Variants in NBEAL2 observed in about 807,000 individuals in gnomAD.
NBEAL2 encodes the protein neurobeachin like 2.
Under a neutral mutation model 299.8 loss-of-function variants are expected in NBEAL2, and 160 were observed. The ratio of observed to expected loss-of-function variants is 0.53; its 90% CI spans 0.47 to 0.61. The LOEUF (loss-of-function observed/expected upper bound fraction) is 0.61, where lower values mean the gene tolerates loss of function less well. Among genes scored for constraint, NBEAL2 ranks in the 20% least tolerant of loss-of-function variants. NBEAL2 has a pLI of 0.00. For missense variants in NBEAL2, 3,112 were observed against 3,649.0 expected (o/e 0.85, Z 3.79); for synonymous variants, 1,493 against 1,542.3 (o/e 0.97, Z 0.75).
In NBEAL2 at chr3:47,003,832, C is replaced by G; in HGVS notation, c.5737C>G (p.Leu1913Val). 1.2e-6 allele frequency: 2 copies of G among 1,607,582 alleles called. No homozygotes were observed. The highest frequency in any genetic ancestry group is 1.7e-6 in the Non-Finnish European group (2 of 1,176,652). Residue 1913 changes from leucine to valine, a missense_variant, in exon 36 of 54, where the codon CTG becomes GTG. By Grantham distance (32) the Leu-to-Val change is conservative. Coordinates refer to ENST00000450053, the MANE Select transcript of NBEAL2 (RefSeq NM_015175.3). This position sits in a 1 kb window ranked among gnomAD's most constrained non-coding sequence, Gnocchi z 7.0. ...ELETPMEAAELDEQREKLVLS... is the reference protein window; with the variant it reads ...ELETPMEAAEVDEQREKLVLS... ...GGTCTTTAGGATGGAGGCAGCAGAA[C>G]TGGATGAGCAGCGTGAGAAGCTGGT...
intron 45 of NBEAL2, 67 bp downstream of exon 45, chr3:47,006,516 A>G (rs2037457045): frequency 7.2e-7 from 1 of 1,397,588 alleles, no homozygotes; most frequent in South Asian, 1.2e-5. Context: ...GTCCTTACCA[A>G]CCACGTGGGG....
In NBEAL2 at chr3:47,009,576, T is replaced by C. The variant is rs1341920723; in HGVS notation, c.*256T>C. ...GGCCGCAGCAGCACTTTTTGCACAG[T>C]CTGGGGCGGGGTTCCCCGGCTTCCA... On this transcript the variant is annotated 3_prime_UTR_variant, in exon 54 of 54. Coordinates refer to ENST00000450053, the MANE Select transcript of NBEAL2 (RefSeq NM_015175.3). 6 of 494,982 alleles carry C rather than the reference T, an allele frequency of 1.2e-5. No individual in the cohort carries two copies. In the East Asian group the frequency reaches 1.7e-4, roughly 14 times the overall value. The allele number at this position is 494,982 out of a possible 1,614,324, so 30.7% of individuals were successfully genotyped here.
Position 47,005,036 on chromosome 3 carries a change from G to A in NBEAL2, c.6359G>A (p.Arg2120Gln), listed in dbSNP as rs762258197. The A allele has an allele frequency of 3.1e-6, 5 of 1,613,228 alleles. No homozygotes were observed. Among genetic ancestry groups the A allele is most frequent in the Non-Finnish European group, 3.4e-6 (4 of 1,179,624 alleles). ...TLDLSNPAVFRDLSKPIGVVN... is the reference protein window; with the variant it reads ...TLDLSNPAVFQDLSKPIGVVN... ...GACCTCAGCAACCCAGCCGTCTTCC[G>A]GGACCTGTCTAAGCCCATCGGTGTG... The change falls in exon 39 of 54, where the codon CGG (arginine) becomes CAG (glutamine). Residue 2120 changes from arginine (R) to glutamine (Q), a missense_variant. Coordinates refer to ENST00000450053, the MANE Select transcript of NBEAL2 (RefSeq NM_015175.3).
At position 46,987,653 on chromosome 3, in the gene NBEAL2, C is replaced by T. The variant is rs140350783; in HGVS notation, c.52-1016C>T. 4.0e-3 allele frequency among the ~76,000 whole-genome samples: 613 copies of T among 152,296 alleles called. 4 individuals are homozygous for T. The highest frequency in any genetic ancestry group is 0.014 in the African/African-American group (582 of 41,566). On this transcript the variant is annotated intron_variant, in intron 1 of 53. Transcript: ENST00000450053. ...TCGACCCCTGTGGCCTGAGGCCTTG[C>T]GCGCAGGTCAGGGAGCTGTGGGTGC...
rs2036683507 is a variant in NBEAL2 at position 46,998,515 on chromosome 3, G to T, written c.3171G>T (p.Arg1057=). Residue 1057 remains arginine (R), a synonymous_variant, in exon 22 of 54, where the codon CGG becomes CGT. Coordinates refer to ENST00000450053, the MANE Select transcript of NBEAL2 (RefSeq NM_015175.3). ...TTCGGGAGCACAGACAGAAGCTGCG[G>T]AAGAAGTACGGCGTCCAGTTTATCT... is the stretch of plus-strand genomic sequence containing the variant. ...SIVREHRQKL[R]KKYGVQFILD... is the part of the protein sequence containing the mutation. The T allele has an allele frequency of 1.1e-5, 18 of 1,613,288 alleles. No individual in the cohort carries two copies. Among genetic ancestry groups the T allele is most frequent in the Non-Finnish European group, 1.3e-5 (15 of 1,179,758 alleles).
At chr3:46,997,481 TA>T (rs779098605) in intron 19 of NBEAL2, 48 bp downstream of exon 19, 8 of 1,594,428 alleles carry the variant, frequency 5.0e-6, no homozygotes, top group Non-Finnish European at 6.9e-6. Context: ...CTTGGCATGG[TA>T]GGGGGGTGGA....
chr3:47,006,065 T>G lies in NBEAL2; in HGVS notation c.6919+2T>G. ...TCTTCTATTACTGCACCTATGAGGG[T>G]GGGCAGTGCGCTGGACTCCAGTCAG... is the stretch of plus-strand genomic sequence containing the variant. On this transcript the variant is annotated splice_donor_variant, in intron 43 of 53. Coordinates refer to ENST00000450053, the MANE Select transcript of NBEAL2 (RefSeq NM_015175.3). LOFTEE classifies it high-confidence loss of function. 1 of 1,613,334 alleles carries G rather than the reference T, an allele frequency of 6.2e-7. No individual in the cohort carries two copies. The highest frequency in any genetic ancestry group is 8.5e-7 in the Non-Finnish European group (1 of 1,179,578).
rs1333970028 is a variant in NBEAL2, at chr3:47,009,436, C to T, written c.*116C>T. 2 of 906,676 alleles carry T rather than the reference C, an allele frequency of 2.2e-6. No individual in the cohort carries two copies. The highest frequency in any genetic ancestry group is 1.7e-6 in the Non-Finnish European group (1 of 592,238). 56.2% of individuals were successfully genotyped at this position (906,676 alleles called of 1,614,324 possible). Reference sequence around the variant, plus strand: ...GCAGCCCAGGGGGGTGAGCGGGGCCCACCCTGCCCAGCTCAGGGATTGGCG... The same window carrying T: ...GCAGCCCAGGGGGGTGAGCGGGGCCTACCCTGCCCAGCTCAGGGATTGGCG... On this transcript the variant is annotated 3_prime_UTR_variant, in exon 54 of 54. Coordinates refer to ENST00000450053, the MANE Select transcript of NBEAL2 (RefSeq NM_015175.3).
Position 47,000,534 on chromosome 3 carries a change from T to C in NBEAL2, c.4305+130T>C. The C allele has an allele frequency of 1.7e-6, 2 of 1,181,760 alleles. No individual in the cohort carries two copies. Among genetic ancestry groups the C allele is most frequent in the Admixed American group, 2.7e-5 (1 of 37,656 alleles). The allele number at this position is 1,181,760 out of a possible 1,614,324, so 73.2% of individuals were successfully genotyped here. A position where few individuals can be genotyped will look rare whatever the true frequency, so the allele number is the denominator to read the frequency against. ...CAGGGTTGCAGCCACTGGTCAGGCC[T>C]ATTGCTGTCCCCTCATAGCTCTCAT... On this transcript the variant is annotated intron_variant, in intron 27 of 53. Transcript: ENST00000450053. This position sits in a 1 kb window ranked among gnomAD's most constrained non-coding sequence, Gnocchi z 4.5.
rs2107418235 is a variant in NBEAL2 at position 47,003,132 on chromosome 3, T to C, written c.5585-42T>C. 3 of 1,608,906 alleles carry C rather than the reference T, an allele frequency of 1.9e-6. No individual in the cohort carries two copies. The highest frequency in any genetic ancestry group is 1.7e-4 in the Middle Eastern group (1 of 6,042). The stretch of plus-strand genomic sequence containing the variant: ...CACCCAACTCGATTGTCCCGTCTCC[T>C]GTCCTGCCTTGCTTCTGCTGAGTAC... On this transcript the variant is annotated intron_variant, in intron 34 of 53. Transcript: ENST00000450053. This position sits in a 1 kb window ranked among gnomAD's most constrained non-coding sequence, Gnocchi z 7.0.
In NBEAL2 at chr3:47,002,677, G is replaced by A. The variant is rs769455760; in HGVS notation, c.5334G>A (p.Ala1778=). ...TGCTGGAACCTGCGCAGAGGCGGGC[G>A]CGCCTGGAGGGGCTACGCTACACGG... ...ELVLEPAQRR[A]RLEGLRYTAV... Residue 1778 remains alanine (A), a synonymous_variant, in exon 33 of 54, where the codon GCG becomes GCA. Transcript: ENST00000450053. 57 of 1,607,060 alleles carry A rather than the reference G, an allele frequency of 3.5e-5. No homozygotes were observed. The highest frequency in any genetic ancestry group is 5.1e-5 in the Admixed American group (3 of 59,240).
At position 46,995,304 on chromosome 3, in the gene NBEAL2, G is replaced by A. The variant is rs1165612471; in HGVS notation, c.1569G>A (p.Leu523=). The part of the protein sequence containing the change: ...QEQLLALLQA[L]GRVSIRPMEL... ...AGCTGCTGGCACTGCTACAAGCACT[G>A]GGCCGTGTATCAATAAGGCCCATGG... Residue 523 remains leucine, a synonymous_variant, in exon 13 of 54, where the codon CTG becomes CTA. Transcript: ENST00000450053. 1.3e-6 allele frequency: 2 copies of A among 1,580,290 alleles called. No homozygotes were observed. The highest frequency in any genetic ancestry group is 2.3e-5 in the South Asian group (2 of 87,378).
rs755537623 is a variant in NBEAL2, at chr3:47,002,207, C to A, written c.5070C>A (p.Pro1690=). 14 of 1,532,448 alleles carry A rather than the reference C, an allele frequency of 9.1e-6. No individual in the cohort carries two copies. The highest frequency in any genetic ancestry group is 1.2e-5 in the Non-Finnish European group (14 of 1,136,858). 94.9% of individuals were successfully genotyped at this position (1,532,448 alleles called of 1,614,324 possible). A position where few individuals can be genotyped will look rare whatever the true frequency, so the allele number is the denominator to read the frequency against. ...GLQWGLPSLP[P]TNGSPTFFED... ...AGTGGGGACTGCCCTCCCTGCCACCCACCAATGGCAGCCCCACCTTCTTTG... is the reference window on the plus strand; with the variant it reads ...AGTGGGGACTGCCCTCCCTGCCACCAACCAATGGCAGCCCCACCTTCTTTG... The change falls in exon 31 of 54, where the codon CCC becomes CCA. Residue 1690 remains proline, a synonymous_variant. Coordinates refer to ENST00000450053, the MANE Select transcript of NBEAL2 (RefSeq NM_015175.3).
Position 47,000,112 on chromosome 3 carries a change from C to A in NBEAL2, c.4013C>A (p.Pro1338His), listed in dbSNP as rs377312758. ...GATGTCTTCCTGCCCTCAGAGGCCC[C>A]CTGCCCTGACCCTGATGGCTTTTAC... ...PSDVFLPSEAPCPDPDGFYHA... is the reference protein window; with the variant it reads ...PSDVFLPSEAHCPDPDGFYHA... Residue 1338 changes from proline to histidine, a missense_variant, in exon 27 of 54, where the codon CCC (proline) becomes CAC (histidine). Pro to His is a moderately conservative substitution (Grantham distance 77). Transcript: ENST00000450053. This position sits in a 1 kb window ranked among gnomAD's most constrained non-coding sequence, Gnocchi z 4.5. The A allele has an allele frequency of 1.2e-6, 2 of 1,613,816 alleles. No homozygotes were observed. The highest frequency in any genetic ancestry group is 1.7e-6 in the Non-Finnish European group (2 of 1,179,888).
In NBEAL2 at chr3:47,003,437, G is replaced by A; in HGVS notation, c.5720+128G>A. On this transcript the variant is annotated intron_variant, in intron 35 of 53. Transcript: ENST00000450053. The surrounding 1 kb of genome is among the most constrained non-coding windows in gnomAD (Gnocchi z 7.0). ...TGCTGCCCGACTACGTCCCCCTGAA[G>A]GGACTGTCCAAAGCCAGATGGTGAG... The A allele has an allele frequency of 1.5e-6, 2 of 1,359,028 alleles. No homozygotes were observed. The highest frequency in any genetic ancestry group is 2.0e-6 in the Non-Finnish European group (2 of 1,009,434). The allele number at this position is 1,359,028 out of a possible 1,614,324, so 84.2% of individuals were successfully genotyped here. A position where few individuals can be genotyped will look rare whatever the true frequency, so the allele number is the denominator to read the frequency against.
chr3:47,000,317 C>G lies in NBEAL2; in HGVS notation c.4218C>G (p.Ser1406Arg). 6.2e-7 allele frequency: 1 copy of G among 1,611,526 alleles called. No homozygotes were observed. Reference sequence around the variant, plus strand: ...TTCCTGCTGCTCCTGGCCGCCACAGCTCCAGTCTCTCCAATGTGCTGGAGG... The same window carrying G: ...TTCCTGCTGCTCCTGGCCGCCACAGGTCCAGTCTCTCCAATGTGCTGGAGG... Reference protein sequence around the residue: ...RPFPAAPGRHSSSLSNVLEDG... With the variant: ...RPFPAAPGRHRSSLSNVLEDG... Residue 1406 changes from serine to arginine, a missense_variant, in exon 27 of 54, where the codon AGC becomes AGG. Transcript: ENST00000450053. The surrounding 1 kb of genome is among the most constrained non-coding windows in gnomAD (Gnocchi z 4.5).
chr3:46,986,543 A>C (rs998721488), intron 1 of NBEAL2, among the ~76,000 whole-genome samples: 10 of 152,150 alleles, frequency 6.6e-5, no homozygotes, highest in Non-Finnish European at 1.2e-4. Context: ...GACACGGTCA[A>C]ATTTGGGCTT....
chr3:46,997,671 A>G lies in NBEAL2; in HGVS notation c.2935A>G (p.Ile979Val). ...ESLVQCQGPA[I>V]IGALLRKVPS... ...CCTGGTGCAGTGCCAGGGGCCTGCC[A>G]TCATCGGGGCCCTCCTGCGAAAGGT... The change falls in exon 20 of 54, where the codon ATC becomes GTC. Residue 979 changes from isoleucine to valine, a missense_variant. Ile to Val is a conservative substitution (Grantham distance 29, BLOSUM62 3). Transcript: ENST00000450053. The G allele has an allele frequency of 6.4e-7, 1 of 1,556,512 alleles. No homozygotes were observed. Among genetic ancestry groups the G allele is most frequent in the South Asian group, 1.2e-5 (1 of 84,232 alleles).
In NBEAL2 at chr3:46,997,320, C is replaced by T; in HGVS notation, c.2711C>T (p.Ala904Val). The T allele has an allele frequency of 6.2e-7, 1 of 1,613,026 alleles. No individual in the cohort carries two copies. Among genetic ancestry groups the T allele is most frequent in the Non-Finnish European group, 8.5e-7 (1 of 1,179,862 alleles). ...CTGCCCCTGCTGGAGCGAGTAGCTG[C>T]ACAGCCCAAAGAGGCTGAAGCAGGT... ...ALLPLLERVA[A>V]QPKEAEAGPA... The change falls in exon 19 of 54, where the codon GCA becomes GTA. Residue 904 changes from alanine to valine, a missense_variant. Coordinates refer to ENST00000450053, the MANE Select transcript of NBEAL2 (RefSeq NM_015175.3).
Sources: allele counts gnomAD v4.1 joint callset (sites outside exome capture counted in the v4.1 genomes callset), GRCh38; gene constraint gnomAD v4.1.1; non-coding constraint Gnocchi (gnomAD v3.1); transcripts MANE v1.5; gene names NCBI Gene and HGNC (gene_info 2026-07-23, HGNC 2026-07-21).